CIST1: variants seen among roughly 807,000 people sequenced by gnomAD.
CIST1 encodes colon, intestine and stomach enriched 1, also known as uncharacterized LOC729966.
chr19:18,253,831 C>T, the CIST1 span, among the ~76,000 whole-genome samples: 1 of 152,220 alleles, frequency 6.6e-6, no homozygotes, highest in South Asian at 2.1e-4. Context: ...GTAAGCAGTT[C>T]ATGAGCCACC....
At chr19:18,252,606 TTCTCTC>T in the CIST1 span, 1 of 366,350 alleles carries the variant, frequency 2.7e-6, no homozygotes, top group African/African-American at 2.4e-5. Flanking sequence ...CTCTCTCTCT[TTCTCTC>T]TCTCTTTTTT....
the CIST1 span, chr19:18,250,602 C>T: frequency 2.5e-6 from 1 of 396,084 alleles, no homozygotes; most frequent in East Asian, 3.6e-5. Context: ...GTTGAGGCTG[C>T]CACTTTTTAA....
the CIST1 span, chr19:18,252,196 C>T: frequency 2.8e-5 from 11 of 398,924 alleles, no homozygotes; most frequent in Non-Finnish European, 4.9e-5. Flanking sequence ...GGGGTGAGCT[C>T]TGCACTGGGG....
At chr19:18,250,655 G>C in the CIST1 span, among the ~76,000 whole-genome samples, 3 of 152,174 alleles carry the variant, frequency 2.0e-5, no homozygotes, top group Non-Finnish European at 4.4e-5. Context: ...CACCCAGGCT[G>C]GAGTGCAGTA....
the CIST1 span, chr19:18,252,319 G>T: frequency 5.0e-6 from 2 of 399,004 alleles, no homozygotes; most frequent in Middle Eastern, 6.2e-4. Flanking sequence ...GAACTTGAGG[G>T]GCTGAGGTGG....
chr19:18,251,865 C>T, the CIST1 span, among the ~76,000 whole-genome samples: 1 of 151,934 alleles, frequency 6.6e-6, no homozygotes, highest in East Asian at 1.9e-4. Context: ...CTTTGCCCAT[C>T]GCTGCGTGCC....
chr19:18,254,293 G>C, the CIST1 span, among the ~76,000 whole-genome samples: 1,224 of 152,328 alleles, frequency 8.0e-3, 8 homozygotes, highest in Admixed American at 0.013. Flanking sequence ...CAGAATTCTG[G>C]GGAGCTGAGT....
At chr19:18,251,374 C>T in the CIST1 span, among the ~76,000 whole-genome samples, 1 of 151,306 alleles carries the variant, frequency 6.6e-6, no homozygotes, top group Non-Finnish European at 1.5e-5. Context: ...GATCCTCCCA[C>T]CTTGGCCTCC....
At chr19:18,250,196 G>A in the CIST1 span, 5 of 398,720 alleles carry the variant, frequency 1.3e-5, no homozygotes, top group Non-Finnish European at 2.2e-5. Context: ...GGAACACACA[G>A]GGAGGCATTC....
the CIST1 span, among the ~76,000 whole-genome samples, chr19:18,253,593 G>A: frequency 6.6e-6 from 1 of 151,090 alleles, no homozygotes; most frequent in South Asian, 2.1e-4. Context: ...TAGAAACACA[G>A]TGGGTGCACA....
chr19:18,251,442 T>C, the CIST1 span, among the ~76,000 whole-genome samples: 1 of 150,388 alleles, frequency 6.6e-6, no homozygotes, highest in South Asian at 2.1e-4. Flanking sequence ...ATTTTATTTA[T>C]TTATTTATTT....
the CIST1 span, among the ~76,000 whole-genome samples, chr19:18,253,881 C>T: frequency 6.6e-6 from 1 of 152,202 alleles, no homozygotes; most frequent in Non-Finnish European, 1.5e-5. Flanking sequence ...GTGACTGGGC[C>T]TCTTAGGCAC....
chr19:18,253,023 G>T, the CIST1 span, among the ~76,000 whole-genome samples: 2 of 152,174 alleles, frequency 1.3e-5, no homozygotes, highest in Non-Finnish European at 2.9e-5. Flanking sequence ...TCAAATTCAT[G>T]CTCCTGGTCT....
At chr19:18,253,267 C>G in the CIST1 span, among the ~76,000 whole-genome samples, 1 of 152,158 alleles carries the variant, frequency 6.6e-6, no homozygotes, top group Non-Finnish European at 1.5e-5. Context: ...TGGGTGCTCC[C>G]AGCTACTGGG....
the CIST1 span, among the ~76,000 whole-genome samples, chr19:18,252,694 T>C: frequency 6.6e-6 from 1 of 151,988 alleles, no homozygotes; most frequent in African/African-American, 2.4e-5. Flanking sequence ...CTCAGCTCAC[T>C]GCAACCTCCA....
the CIST1 span, among the ~76,000 whole-genome samples, chr19:18,251,769 GTA>G: frequency 7.4e-6 from 1 of 135,602 alleles, no homozygotes; most frequent in Non-Finnish European, 1.6e-5. Flanking sequence ...AGATTTTTTT[GTA>G]GAGACAAAGT....
At chr19:18,252,251 G>A in the CIST1 span, 2 of 399,156 alleles carry the variant, frequency 5.0e-6, no homozygotes, top group Non-Finnish European at 8.8e-6. Flanking sequence ...GTGGGGAGGA[G>A]GGTATCATCC....
At chr19:18,251,602 T>C in the CIST1 span, among the ~76,000 whole-genome samples, 1 of 150,988 alleles carries the variant, frequency 6.6e-6, no homozygotes, top group Non-Finnish European at 1.5e-5. Flanking sequence ...GCCTGGCTAA[T>C]TTTTGTAGTT....
chr19:18,253,048 T>C, the CIST1 span, among the ~76,000 whole-genome samples: 12,995 of 152,270 alleles, frequency 0.085, 1,888 homozygotes, highest in African/African-American at 0.29. Context: ...TCCCACAGCC[T>C]GGGTTCAAGT....
Sources: allele counts gnomAD v4.1 joint callset (sites outside exome capture counted in the v4.1 genomes callset), GRCh38; gene constraint gnomAD v4.1.1; transcripts MANE v1.5; gene names NCBI Gene and HGNC (gene_info 2026-07-23, HGNC 2026-07-21).